Variants in EFEMP1 observed in about 807,000 individuals in gnomAD.
EFEMP1 encodes EGF-like fibulin extracellular matrix protein 1, also known as EGF-containing fibulin-like extracellular matrix protein 1.
A neutral mutation model predicts 65.7 loss-of-function variants in EFEMP1; 18 were observed. The observed-to-expected ratio is 0.27, with a 90% CI of 0.19 to 0.41. The LOEUF (loss-of-function observed/expected upper bound fraction) is 0.41, where lower values mean the gene tolerates loss of function less well. Among genes scored for constraint, EFEMP1 ranks in the 10% least tolerant of loss-of-function variants. The pLI, the probability that EFEMP1 is intolerant of heterozygous loss-of-function variation, is 1.00. For synonymous variants in EFEMP1, 237 were observed against 219.7 expected, an observed-to-expected ratio of 1.08 and a Z score of -0.70; for missense variants, 469 against 624.8, an observed-to-expected ratio of 0.75 and a Z score of 2.66.
intron 5 of EFEMP1, among the ~76,000 whole-genome samples, chr2:55,895,649 C>G (rs970730448): frequency 2.0e-5 from 3 of 151,312 alleles, no homozygotes; most frequent in African/African-American, 7.3e-5. Context: ...TCACGCCATT[C>G]TCCTGCCTCA....
Position 55,871,251 on chromosome 2 carries a change from T to A in EFEMP1, c.1001-128A>T. ...AGCATCTGGACTGTGTTCAACCTGC[T>A]TTTAGACACAAGACTGGGTGTTCAT... On this transcript the variant is annotated intron_variant, in intron 9 of 11. Coordinates refer to ENST00000355426, the MANE Select transcript of EFEMP1 (RefSeq NM_001039348.3). This position sits in a 1 kb window ranked among gnomAD's most constrained non-coding sequence, Gnocchi z 4.2. The A allele has an allele frequency of 7.8e-7, 1 of 1,278,112 alleles. No individual in the cohort carries two copies. The highest frequency in any genetic ancestry group is 1.2e-5 in the South Asian group (1 of 80,710). The allele number at this position is 1,278,112 out of a possible 1,614,324, so 79.2% of individuals were successfully genotyped here.
At chr2:55,889,472 G>A (rs942959507) in intron 5 of EFEMP1, among the ~76,000 whole-genome samples, 2 of 151,922 alleles carry the variant, frequency 1.3e-5, no homozygotes, top group South Asian at 4.2e-4. Flanking sequence ...ATCTTTCTGC[G>A]CAATGTTTCT....
intron 5 of EFEMP1, among the ~76,000 whole-genome samples, chr2:55,915,840 C>T (rs978603888): frequency 2.6e-5 from 4 of 151,756 alleles, no homozygotes; most frequent in Non-Finnish European, 5.9e-5. Context: ...CAGTATTAAC[C>T]CAAATACATG....
rs1021843107 is a variant in EFEMP1 at position 55,866,963 on chromosome 2, T to C, written c.*110A>G. ...TAATTGTTTGAATTATGGGTGAGTGTACAGTATAGAGATGTAGATGCACTA... is the reference window on the plus strand; with the variant it reads ...TAATTGTTTGAATTATGGGTGAGTGCACAGTATAGAGATGTAGATGCACTA... On this transcript the variant is annotated 3_prime_UTR_variant, in exon 12 of 12. Transcript: ENST00000355426. 6 of 1,360,430 alleles carry C rather than the reference T, an allele frequency of 4.4e-6. No individual in the cohort carries two copies. Among genetic ancestry groups the C allele is most frequent in the Non-Finnish European group, 6.2e-6 (6 of 962,120 alleles). 84.3% of individuals were successfully genotyped at this position (1,360,430 alleles called of 1,614,324 possible).
In EFEMP1 at chr2:55,867,355, C is replaced by A; in HGVS notation, c.1321-121G>T. 1 of 1,090,030 alleles carries A rather than the reference C, an allele frequency of 9.2e-7. No homozygotes were observed. The highest frequency in any genetic ancestry group is 1.3e-6 in the Non-Finnish European group (1 of 758,606). The allele number at this position is 1,090,030 out of a possible 1,614,324, so 67.5% of individuals were successfully genotyped here. A position where few individuals can be genotyped will look rare whatever the true frequency, so the allele number is the denominator to read the frequency against. On this transcript the variant is annotated intron_variant, in intron 11 of 11. Coordinates refer to ENST00000355426, the MANE Select transcript of EFEMP1 (RefSeq NM_001039348.3). The surrounding 1 kb of genome is among the most constrained non-coding windows in gnomAD (Gnocchi z 4.3). Reference sequence around the variant, plus strand: ...GAATTTTGAAGGTGGTATAAAAGAGCCACTACTTGGTCCCTTCTTGGTTTC... The same window carrying A: ...GAATTTTGAAGGTGGTATAAAAGAGACACTACTTGGTCCCTTCTTGGTTTC...
At chr2:55,880,586 T>A (rs1253702699) in intron 6 of EFEMP1, among the ~76,000 whole-genome samples, 1 of 152,228 alleles carries the variant, frequency 6.6e-6, no homozygotes, top group African/African-American at 2.4e-5. Flanking sequence ...AGTGTTGACA[T>A]GTGAACATCA....
At chr2:55,894,110 C>T (rs1669728346) in intron 5 of EFEMP1, among the ~76,000 whole-genome samples, 1 of 152,058 alleles carries the variant, frequency 6.6e-6, no homozygotes, top group African/African-American at 2.4e-5. Context: ...GCTACAGAAT[C>T]GCTTCATGGC....
rs964057221 is a variant in EFEMP1, at chr2:55,889,831, A to AAT, written c.518-8098_518-8097insAT. ...AAAACAATAAAGGAATGGTAAAAAA[A>AAT]AAAAATAAAACTACAAAGCTAATAG... On this transcript the variant is annotated intron_variant, in intron 5 of 11. Transcript: ENST00000355426. Among the ~76,000 whole-genome samples, 12 of 151,936 alleles carry AAT rather than the reference A, an allele frequency of 7.9e-5. 1 individual carries two copies. The highest frequency in any genetic ancestry group is 2.1e-4 in the South Asian group (1 of 4,810).
chr2:55,887,326 T>C (rs1019072455), intron 5 of EFEMP1, among the ~76,000 whole-genome samples: 6 of 152,188 alleles, frequency 3.9e-5, no homozygotes, highest in African/African-American at 1.2e-4. Context: ...TTTTTAATTT[T>C]TTTTAGCCTT....
chr2:55,912,782 A>G lies in EFEMP1; in HGVS notation c.517+4883T>C, dbSNP rs181418280. Among the ~76,000 whole-genome samples the G allele has an allele frequency of 5.2e-3, 796 of 152,342 alleles. 7 individuals are homozygous for G. Among genetic ancestry groups the G allele is most frequent in the African/African-American group, 0.018 (765 of 41,584 alleles). ...ATATAGCTGAAAGTTGGAAAAAATA[A>G]AAATTTTAGCAAACTGAAAAATTTA... On this transcript the variant is annotated intron_variant, in intron 5 of 11. Transcript: ENST00000355426.
rs1252224176 is a variant in EFEMP1 at position 55,917,700 on chromosome 2, G to A, written c.482C>T (p.Ala161Val). ...GTTGTGTTCACTTTGCTCGTAGCCT[G>A]CTGCACACTGGATACGGTGGGAAGG... ...SNPSHRIQCA[A>V]GYEQSEHNVC... Residue 161 changes from alanine to valine, a missense_variant, in exon 5 of 12, where the codon GCA becomes GTA. Coordinates refer to ENST00000355426, the MANE Select transcript of EFEMP1 (RefSeq NM_001039348.3). This position sits in a 1 kb window ranked among gnomAD's most constrained non-coding sequence, Gnocchi z 6.3. 1 of 1,614,206 alleles carries A rather than the reference G, an allele frequency of 6.2e-7. No individual in the cohort carries two copies. Among genetic ancestry groups the A allele is most frequent in the Non-Finnish European group, 8.5e-7 (1 of 1,180,040 alleles).
At chr2:55,920,024 G>A (rs1227954397) in intron 3 of EFEMP1, among the ~76,000 whole-genome samples, 3 of 152,130 alleles carry the variant, frequency 2.0e-5, no homozygotes, top group African/African-American at 2.4e-5. Context: ...TCCTCTCTCT[G>A]AGACCTCACA....
chr2:55,903,041 A>G (rs1041835966), intron 5 of EFEMP1, among the ~76,000 whole-genome samples: 6 of 152,224 alleles, frequency 3.9e-5, no homozygotes, highest in Admixed American at 1.3e-4. Flanking sequence ...TGAGAAAACT[A>G]TCCAGCAAGA....
chr2:55,882,160 A>C (rs910498990), intron 5 of EFEMP1, among the ~76,000 whole-genome samples: 7 of 152,108 alleles, frequency 4.6e-5, no homozygotes, highest in African/African-American at 1.7e-4. Flanking sequence ...ATTTTAATAG[A>C]TTGTATGATA....
rs1668737433 is a variant in EFEMP1 at position 55,870,016 on chromosome 2, T to C, written c.1320+704A>G. 6.6e-6 allele frequency among the ~76,000 whole-genome samples: 1 copy of C among 151,934 alleles called. No homozygotes were observed. The highest frequency in any genetic ancestry group is 1.5e-5 in the Non-Finnish European group (1 of 67,980). On this transcript the variant is annotated intron_variant, in intron 11 of 11. Transcript: ENST00000355426. This position sits in a 1 kb window ranked among gnomAD's most constrained non-coding sequence, Gnocchi z 5.8. ...AGATAGGGATGTGAGGAAGCAAAGA[T>C]AACCCAGGAGACAGTGTGAAGAGGG...
intron 8 of EFEMP1, 90 bp downstream of exon 8, chr2:55,876,529 AGCGT>A: frequency 1.3e-6 from 2 of 1,537,448 alleles, no homozygotes; most frequent in Non-Finnish European, 1.8e-6. Context: ...CCCATGGGTA[AGCGT>A]TTGTTTTCAT....
At chr2:55,875,335 T>TACACACACACACACAC (rs768780443) in intron 8 of EFEMP1, among the ~76,000 whole-genome samples, 3 of 125,386 alleles carry the variant, frequency 2.4e-5, no homozygotes, top group South Asian at 2.5e-4. Flanking sequence ...GTTTCATATA[T>TACACACACACACACAC]ACACACACAC....
intron 5 of EFEMP1, among the ~76,000 whole-genome samples, chr2:55,900,561 A>G (rs778718633): frequency 1.3e-5 from 2 of 152,206 alleles, no homozygotes; most frequent in African/African-American, 2.4e-5. Flanking sequence ...TTTAAAAGCA[A>G]TTTAAGAATG....
rs923282282 is a variant in EFEMP1, at chr2:55,871,136, A to G, written c.1001-13T>C. The G allele has an allele frequency of 1.2e-6, 2 of 1,613,216 alleles. No individual in the cohort carries two copies. Among genetic ancestry groups the G allele is most frequent in the Admixed American group, 3.3e-5 (2 of 59,882 alleles). The stretch of plus-strand genomic sequence containing the variant: ...CACTCATTTATATCTGTAGAGATGT[A>G]GGGTCAAAGAGTTTACTAACTAAAC... On this transcript the variant is annotated splice_polypyrimidine_tract_variant and intron_variant, in intron 9 of 11. Coordinates refer to ENST00000355426, the MANE Select transcript of EFEMP1 (RefSeq NM_001039348.3). The surrounding 1 kb of genome is among the most constrained non-coding windows in gnomAD (Gnocchi z 4.2).
Sources: allele counts gnomAD v4.1 joint callset (sites outside exome capture counted in the v4.1 genomes callset), GRCh38; gene constraint gnomAD v4.1.1; non-coding constraint Gnocchi (gnomAD v3.1); transcripts MANE v1.5; gene names NCBI Gene and HGNC (gene_info 2026-07-23, HGNC 2026-07-21).